PHRF1: variants seen among roughly 807,000 people sequenced by gnomAD.
PHRF1 encodes the protein PHD and ring finger domains 1.
A neutral mutation model predicts 128.9 loss-of-function variants in PHRF1; 53 were observed. That is an observed-to-expected ratio of 0.41 (90% CI 0.33 to 0.52). The LOEUF is 0.52. PHRF1 is among the 20% of genes least tolerant of loss of function. The probability of loss-of-function intolerance (pLI) is 0.21; values close to 1 mark genes in which losing one functional copy is unlikely to be tolerated. For synonymous variants in PHRF1, 1,178 were observed against 980.6 expected, an observed-to-expected ratio of 1.20 and a Z score of -3.76; for missense variants, 2,503 against 2,284.5, an observed-to-expected ratio of 1.10 and a Z score of -1.95.
At chr11:602,970 T>C (rs894202739) in intron 10 of PHRF1, among the ~76,000 whole-genome samples, 4 of 151,976 alleles carry the variant, frequency 2.6e-5, no homozygotes, top group Non-Finnish European at 4.4e-5. Context: ...ACCATGTTGA[T>C]CAGGCTGGTC....
intron 9 of PHRF1, among the ~76,000 whole-genome samples, chr11:600,520 G>C (rs930957318): frequency 6.6e-5 from 8 of 120,408 alleles, no homozygotes; most frequent in African/African-American, 2.4e-4. Flanking sequence ...ATATATATAT[G>C]GTTTATTTCT....
rs772718188 is a variant in PHRF1 at position 608,801 on chromosome 11, G to A, written c.3345G>A (p.Ala1115=). ...GGAAGAAGAAGAAAAGGAGATCAGC[G>A]TCCAGACCTCGGGGAAGGGAGTGCT... ...ESRKKKKRRS[A]SRPRGRECSP... is the part of the protein sequence containing the mutation. Residue 1115 remains alanine (A), a synonymous_variant, in exon 14 of 18, where the codon GCG becomes GCA. Transcript: ENST00000264555. 31 of 1,611,792 alleles carry A rather than the reference G, an allele frequency of 1.9e-5. No individual in the cohort carries two copies. Among genetic ancestry groups the A allele is most frequent in the Middle Eastern group, 1.6e-4 (1 of 6,084 alleles).
At chr11:589,595 T>A (rs7121828) in intron 4 of PHRF1, among the ~76,000 whole-genome samples, 5,465 of 152,238 alleles carry the variant, frequency 0.036, 296 homozygotes, top group African/African-American at 0.12. Flanking sequence ...GAGGCGCCTG[T>A]GGGGCAGGTC....
At chr11:591,715 C>T (rs921051333) in intron 5 of PHRF1, among the ~76,000 whole-genome samples, 11 of 152,164 alleles carry the variant, frequency 7.2e-5, no homozygotes, top group Non-Finnish European at 1.5e-4. Flanking sequence ...CTGTACCCAT[C>T]ACATCTGGGA....
At chr11:584,729 CTTTTTTTTTTTTTT>C (rs869125196) in intron 3 of PHRF1, among the ~76,000 whole-genome samples, 2 of 90,310 alleles carry the variant, frequency 2.2e-5, no homozygotes, top group African/African-American at 9.5e-5. Context: ...TCTCCAGGAC[CTTTTTTTTTTTTTT>C]TTTTTTTTTT....
At chr11:577,159 T>G (rs1003955459) in intron 1 of PHRF1, among the ~76,000 whole-genome samples, 2 of 152,182 alleles carry the variant, frequency 1.3e-5, no homozygotes, top group African/African-American at 4.8e-5. Context: ...ATTCCTTAAC[T>G]CTTGCAGTCC....
intron 3 of PHRF1, 112 bp from the exon 4 acceptor site, chr11:587,147 G>T: frequency 2.1e-6 from 2 of 952,220 alleles, no homozygotes; most frequent in Non-Finnish European, 3.2e-6. Context: ...CGGGGAGGTG[G>T]GCTGTGCATT....
intron 1 of PHRF1, among the ~76,000 whole-genome samples, chr11:577,395 C>T (rs536228085): frequency 2.0e-5 from 3 of 152,246 alleles, no homozygotes; most frequent in African/African-American, 7.2e-5. Flanking sequence ...GAACCACGTT[C>T]TGGCCAGTGG....
chr11:610,293 C>G lies in PHRF1; in HGVS notation c.4362C>G (p.Pro1454=). 1 of 1,563,712 alleles carries G rather than the reference C, an allele frequency of 6.4e-7. No homozygotes were observed. Among genetic ancestry groups the G allele is most frequent in the Non-Finnish European group, 8.7e-7 (1 of 1,154,162 alleles). The change falls in exon 15 of 18, where the codon CCC becomes CCG. Residue 1454 remains proline, a synonymous_variant. Coordinates refer to ENST00000264555, the MANE Select transcript of PHRF1 (RefSeq NM_001286581.2). ...TGVRQVFSEL[P]FPSHVLPEPG... ...TCAGGCAGGTGTTCTCCGAGCTGCC[C>G]TTTCCCAGTCACGTGCTTCCGGAAC...
At chr11:592,755 G>A in intron 6 of PHRF1, 81 bp downstream of exon 6, 7 of 1,458,642 alleles carry the variant, frequency 4.8e-6, no homozygotes, top group Non-Finnish European at 5.7e-6. Flanking sequence ...GAGCCTCTTC[G>A]CTCTGTGAAG....
Position 607,680 on chromosome 11 carries a change from G to A in PHRF1, c.2224G>A (p.Gly742Arg), listed in dbSNP as rs113889171. The A allele has an allele frequency of 6.3e-3, 10,177 of 1,610,332 alleles. 41 individuals carry two copies. The highest frequency in any genetic ancestry group is 9.5e-3 in the East Asian group (424 of 44,782). ...CAGCAGCAGGGTGCCCCGGGAGCCC[G>A]GGGTGCACACGGGCAGCTCCCGGCC... ...EASSRVPREP[G>R]VHTGSSRPPA... Residue 742 changes from glycine (G) to arginine (R), a missense_variant, in exon 14 of 18, where the codon GGG becomes AGG. Coordinates refer to ENST00000264555, the MANE Select transcript of PHRF1 (RefSeq NM_001286581.2).
Position 607,763 on chromosome 11 carries a change from G to A in PHRF1, c.2307G>A (p.Gly769=), listed in dbSNP as rs1265696053. 3 of 1,612,548 alleles carry A rather than the reference G, an allele frequency of 1.9e-6. No individual in the cohort carries two copies. The highest frequency in any genetic ancestry group is 2.2e-5 in the South Asian group (2 of 91,084). The change falls in exon 14 of 18, where the codon GGG becomes GGA. Residue 769 remains glycine, a synonymous_variant. Coordinates refer to ENST00000264555, the MANE Select transcript of PHRF1 (RefSeq NM_001286581.2). The part of the protein sequence containing the change: ...LAPLGPSRGK[G]VGSTFESFRI... ...CACTGGGACCATCAAGAGGGAAAGG[G>A]GTCGGGTCGACCTTTGAGAGCTTCC...
Position 609,343 on chromosome 11 carries a change from A to G in PHRF1, c.3887A>G (p.Asp1296Gly). The change falls in exon 14 of 18, where the codon GAC becomes GGC. Residue 1296 changes from aspartate (D) to glycine (G), a missense_variant. Coordinates refer to ENST00000264555, the MANE Select transcript of PHRF1 (RefSeq NM_001286581.2). ...TCGCCACCTTCTCCCGAAAGCACAG[A>G]CTCTTCCCCGGAGCGAGACTTCCCA... ...MSSPPSPESTDSSPERDFPLK... is the reference protein window; with the variant it reads ...MSSPPSPESTGSSPERDFPLK... 3 of 1,611,862 alleles carry G rather than the reference A, an allele frequency of 1.9e-6. No homozygotes were observed. The highest frequency in any genetic ancestry group is 2.5e-6 in the Non-Finnish European group (3 of 1,179,722).
chr11:599,595 G>A (rs779468298), intron 9 of PHRF1, among the ~76,000 whole-genome samples: 9 of 152,146 alleles, frequency 5.9e-5, no homozygotes, highest in Non-Finnish European at 1.0e-4. Flanking sequence ...ACTCGCTTTA[G>A]TGTGTAGTCC....
intron 4 of PHRF1, 36 bp from the exon 5 acceptor site, chr11:591,344 GTGAT>G (rs1377408934): frequency 1.3e-6 from 2 of 1,537,472 alleles, no homozygotes; most frequent in Admixed American, 1.8e-5. Flanking sequence ...CTAAGTGAAA[GTGAT>G]TGACAAGATT....
Position 591,418 on chromosome 11 carries a change from T to A in PHRF1, c.455T>A (p.Phe152Tyr), listed in dbSNP as rs767027832. ...TCCTGTCCAGTTGATCGAACTCTAT[T>A]TAAGTGCATTTGTATTCGAGCTCAA... is the stretch of plus-strand genomic sequence containing the variant. ...ANSCPVDRTL[F>Y]KCICIRAQFG... The change falls in exon 5 of 18, where the codon TTT becomes TAT. Residue 152 changes from phenylalanine to tyrosine, a missense_variant. By Grantham distance (22) the Phe-to-Tyr change is conservative. Transcript: ENST00000264555. 6 of 1,610,310 alleles carry A rather than the reference T, an allele frequency of 3.7e-6. No individual in the cohort carries two copies. The East Asian group carries it at 1.1e-4, about 30-fold the overall frequency.
intron 10 of PHRF1, among the ~76,000 whole-genome samples, chr11:603,624 A>G (rs997656182): frequency 1.0e-4 from 15 of 150,482 alleles, no homozygotes; most frequent in African/African-American, 3.7e-4. Context: ...TGTGAGCGCC[A>G]AGTCTGCTGC....
rs1855885105 is a variant in PHRF1, at chr11:605,441, T to C, written c.1334+141T>C. On this transcript the variant is annotated intron_variant, in intron 11 of 17. Coordinates refer to ENST00000264555, the MANE Select transcript of PHRF1 (RefSeq NM_001286581.2). ...GGCCATTCCTCCCACCGCCATACGG[T>C]GCAGGTGGGTGGCGTGGAACTCAGA... 4 of 1,468,872 alleles carry C rather than the reference T, an allele frequency of 2.7e-6. No homozygotes were observed. The South Asian group carries it at 3.9e-5, about 14-fold the overall frequency. The allele number at this position is 1,468,872 out of a possible 1,614,324, so 91.0% of individuals were successfully genotyped here.
At chr11:601,745 C>T (rs148437607) in intron 10 of PHRF1, 44 bp downstream of exon 10, 1 of 1,611,116 alleles carries the variant, frequency 6.2e-7, no homozygotes, top group African/African-American at 1.3e-5. Flanking sequence ...CTGGCCACAG[C>T]ACCCTCGCGT....
Sources: allele counts gnomAD v4.1 joint callset (sites outside exome capture counted in the v4.1 genomes callset), GRCh38; gene constraint gnomAD v4.1.1; transcripts MANE v1.5; gene names NCBI Gene and HGNC (gene_info 2026-07-23, HGNC 2026-07-21).